The following PAFAH1B2 variants were observed in gnomAD, a reference collection of about 807,000 sequenced individuals.
PAFAH1B2 encodes platelet-activating factor acetylhydrolase IB subunit alpha2.
A neutral mutation model predicts 28.0 loss-of-function variants in PAFAH1B2; 8 were observed. The ratio of observed to expected loss-of-function variants is 0.29; its 90% CI spans 0.17 to 0.52. The LOEUF is 0.52. PAFAH1B2 is among the 20% of genes least tolerant of loss of function. The pLI is 0.97. For synonymous variants in PAFAH1B2, 104 were observed against 103.2 expected, an observed-to-expected ratio of 1.01 and a Z score of -0.05; for missense variants, 190 against 282.6, an observed-to-expected ratio of 0.67 and a Z score of 2.35.
At position 117,168,215 on chromosome 11, in the gene PAFAH1B2, C is replaced by T; in HGVS notation, c.*516C>T. The T allele has an allele frequency of 9.5e-7, 1 of 1,055,190 alleles. No individual in the cohort carries two copies. Among genetic ancestry groups the T allele is most frequent in the Admixed American group, 5.4e-5 (1 of 18,576 alleles). 65.4% of individuals were successfully genotyped at this position (1,055,190 alleles called of 1,614,324 possible). A position where few individuals can be genotyped will look rare whatever the true frequency, so the allele number is the denominator to read the frequency against. On this transcript the variant is annotated 3_prime_UTR_variant, in exon 6 of 6. Coordinates refer to ENST00000527958, the MANE Select transcript of PAFAH1B2 (RefSeq NM_002572.4). ...AACATGTAGCATCAGGTTGAACATG[C>T]TTGTCATTGATATATGGAAGATGCT... is the stretch of plus-strand genomic sequence containing the variant.
intron 1 of PAFAH1B2, among the ~76,000 whole-genome samples, chr11:117,151,228 TTTTTC>T (rs1956143054): frequency 2.0e-5 from 1 of 49,478 alleles, no homozygotes; most frequent in South Asian, 3.7e-4. Context: ...AAATTTTTTC[TTTTTC>T]TTTTTTTTTT....
chr11:117,175,308 G>A, downstream of PAFAH1B2: 4 of 1,070,084 alleles, frequency 3.7e-6, no homozygotes, highest in Non-Finnish European at 4.5e-6. Flanking sequence ...GCCTTTTTTT[G>A]CTGACTGCTG....
intron 2 of PAFAH1B2, among the ~76,000 whole-genome samples, chr11:117,156,041 T>C (rs922582180): frequency 1.3e-5 from 2 of 151,876 alleles, no homozygotes; most frequent in Non-Finnish European, 2.9e-5. Context: ...AAAAAAAAAT[T>C]CACTGGGCAT....
downstream of PAFAH1B2, chr11:117,171,852 A>C: frequency 1.1e-6 from 1 of 922,070 alleles, no homozygotes; most frequent in South Asian, 1.8e-5. Flanking sequence ...TGTTGGATTA[A>C]AATGATTTGC....
At chr11:117,172,288 T>C (rs553068257), downstream of PAFAH1B2, among the ~76,000 whole-genome samples, 6 of 148,868 alleles carry the variant, frequency 4.0e-5, no homozygotes, top group African/African-American at 9.8e-5. Context: ...GCTAAACATA[T>C]AATATTTGTG....
chr11:117,149,440 T>TTTTTTTTTTTTTTTTG lies in PAFAH1B2; in HGVS notation c.-7-2997_-7-2996insTTTTTTTTTTTGTTTT, dbSNP rs1490691329. Among the ~76,000 whole-genome samples, 146 of 132,118 alleles carry TTTTTTTTTTTTTTTTG rather than the reference T, an allele frequency of 1.1e-3. 8 individuals carry two copies. Among genetic ancestry groups the TTTTTTTTTTTTTTTTG allele is most frequent in the Middle Eastern group, 3.8e-3 (1 of 262 alleles). 86.7% of individuals were successfully genotyped at this position (132,118 alleles called of 152,430 possible). On this transcript the variant is annotated intron_variant, in intron 1 of 5. Transcript: ENST00000527958. Reference sequence around the variant, plus strand: ...AAAAGTTTTCTAATCGTTTTTTTTTTTTTTGAGATGGAGTCTCGCTCTGTC... The same window carrying TTTTTTTTTTTTTTTTG: ...AAAAGTTTTCTAATCGTTTTTTTTTTTTTTTTTTTTTTTTTGTTTTGAGATGGAGTCTCGCTCTGTC...
intron 3 of PAFAH1B2, among the ~76,000 whole-genome samples, chr11:117,160,512 C>T (rs931925352): frequency 6.6e-5 from 10 of 152,026 alleles, no homozygotes; most frequent in South Asian, 2.1e-4. Flanking sequence ...GAGACAGTCC[C>T]GCTCCATCGT....
chr11:117,165,215 G>A (rs1419747517), intron 5 of PAFAH1B2, among the ~76,000 whole-genome samples: 1 of 151,534 alleles, frequency 6.6e-6, no homozygotes, highest in Non-Finnish European at 1.5e-5. Context: ...GCCTCCCAAA[G>A]TGCTGCGATT....
In PAFAH1B2 at chr11:117,152,446, G is replaced by C. The variant is rs772122996; in HGVS notation, c.-2G>C. 6.2e-7 allele frequency: 1 copy of C among 1,610,660 alleles called. No individual in the cohort carries two copies. Among genetic ancestry groups the C allele is most frequent in the Non-Finnish European group, 8.5e-7 (1 of 1,176,962 alleles). ...ACATAGACGTTTTTTCTCAGGTGTA[G>C]AATGAGCCAAGGAGACTCAAACCCA... On this transcript the variant is annotated 5_prime_UTR_variant, in exon 2 of 6. Coordinates refer to ENST00000527958, the MANE Select transcript of PAFAH1B2 (RefSeq NM_002572.4).
chr11:117,157,281 TAAATG>T (rs1426048856), intron 2 of PAFAH1B2, among the ~76,000 whole-genome samples: 2 of 149,734 alleles, frequency 1.3e-5, no homozygotes, highest in African/African-American at 4.9e-5. Context: ...TTTAAATAAA[TAAATG>T]AATATATATA....
downstream of PAFAH1B2, chr11:117,175,540 G>C: frequency 2.7e-6 from 3 of 1,103,864 alleles, no homozygotes; most frequent in Non-Finnish European, 3.3e-6. Flanking sequence ...GAGTTTGCTT[G>C]GATGGATTTC....
chr11:117,176,288 G>C (rs749227618), exon 6 of PAFAH1B2: 3 of 348,206 alleles, frequency 8.6e-6, no homozygotes, highest in Non-Finnish European at 1.6e-5. Flanking sequence ...TGCTGTGCTT[G>C]GACAGGGGCC....
Position 117,159,941 on chromosome 11 carries a change from G to C in PAFAH1B2, c.89G>C (p.Arg30Thr). 3.7e-6 allele frequency: 6 copies of C among 1,612,880 alleles called. No individual in the cohort carries two copies. The highest frequency in any genetic ancestry group is 5.1e-6 in the Non-Finnish European group (6 of 1,179,070). ...GDDRWMSQHN[R>T]FVLDCKDKEP... ...TTTTCTTCTTCAAACCAGCACAACA[G>C]ATTTGTTTTGGACTGTAAAGACAAA... The change falls in exon 3 of 6, where the codon AGA becomes ACA. Residue 30 changes from arginine to threonine, a missense_variant. Arg to Thr is a moderately conservative substitution (Grantham distance 71). Coordinates refer to ENST00000527958, the MANE Select transcript of PAFAH1B2 (RefSeq NM_002572.4).
At chr11:117,159,130 T>C (rs1478869655) in intron 2 of PAFAH1B2, among the ~76,000 whole-genome samples, 2 of 152,358 alleles carry the variant, frequency 1.3e-5, no homozygotes, top group East Asian at 3.8e-4. Flanking sequence ...TTCATTGTAA[T>C]ATGTCAACTT....
chr11:117,171,695 T>A (rs1240601008), downstream of PAFAH1B2: 5 of 1,535,636 alleles, frequency 3.3e-6, no homozygotes, highest in African/African-American at 5.5e-5. Context: ...AACTGGTCGA[T>A]CGGGACCTAT....
chr11:117,167,503 C>T lies in PAFAH1B2; in HGVS notation c.494C>T (p.Pro165Leu), dbSNP rs779057312. The change falls in exon 6 of 6, where the codon CCG becomes CTG. Residue 165 changes from proline (P) to leucine (L), a missense_variant. Physicochemically the swap from Pro to Leu is moderately conservative, Grantham distance 98 (BLOSUM62 -3). Transcript: ENST00000527958. ...AACCAACTCCTCAAGGTTTCGCTGC[C>T]GAAGCTTGCCAACGTGCAGCTCCTG... is the stretch of plus-strand genomic sequence containing the variant. ...KVNQLLKVSL[P>L]KLANVQLLDT... is the part of the protein sequence containing the mutation. 43 of 1,612,020 alleles carry T rather than the reference C, an allele frequency of 2.7e-5. No homozygotes were observed. The highest frequency in any genetic ancestry group is 9.3e-5 in the African/African-American group (7 of 74,906).
At chr11:117,162,880 C>A (rs1956407324) in intron 4 of PAFAH1B2, among the ~76,000 whole-genome samples, 1 of 152,116 alleles carries the variant, frequency 6.6e-6, no homozygotes, top group Admixed American at 6.6e-5. Context: ...GGCTGGAGTG[C>A]AGTGGCATGA....
At chr11:117,145,102 C>CA (rs1955967416) in intron 1 of PAFAH1B2, among the ~76,000 whole-genome samples, 1 of 152,208 alleles carries the variant, frequency 6.6e-6, no homozygotes, top group African/African-American at 2.4e-5. Flanking sequence ...TCATCTTAGA[C>CA]ATGAATGTGC....
At chr11:117,150,311 G>A (rs954079814) in intron 1 of PAFAH1B2, among the ~76,000 whole-genome samples, 1 of 152,034 alleles carries the variant, frequency 6.6e-6, no homozygotes, top group Admixed American at 6.6e-5. Context: ...ACCATGCCCG[G>A]CTAATTTTTG....
Sources: allele counts gnomAD v4.1 joint callset (sites outside exome capture counted in the v4.1 genomes callset), GRCh38; gene constraint gnomAD v4.1.1; transcripts MANE v1.5; gene names NCBI Gene and HGNC (gene_info 2026-07-23, HGNC 2026-07-21).